IGFL4: variants seen among roughly 807,000 people sequenced by gnomAD.
IGFL4 encodes IGF like family member 4.
Under a neutral mutation model 15.4 loss-of-function variants are expected in IGFL4, and 12 were observed. The observed-to-expected ratio is 0.78, with a 90% CI of 0.50 to 1.26. The LOEUF (loss-of-function observed/expected upper bound fraction) is 1.26. Among genes scored for constraint, IGFL4 ranks in the 50% most tolerant of loss-of-function variants. IGFL4 has a pLI of 0.00. For synonymous variants in IGFL4, 54 were observed against 55.9 expected (o/e 0.97, Z 0.16); for missense variants, 126 against 147.8 (o/e 0.85, Z 0.76).
intron 1 of IGFL4, among the ~76,000 whole-genome samples, chr19:46,070,145 A>T (rs1252857419): frequency 2.0e-5 from 3 of 148,534 alleles, no homozygotes; most frequent in Admixed American, 6.7e-5. Flanking sequence ...AATCTCTAAG[A>T]TTTTTTTTTT....
chr19:46,061,430 T>C (rs2146523270), intron 1 of IGFL4, among the ~76,000 whole-genome samples: 1 of 152,304 alleles, frequency 6.6e-6, no homozygotes, highest in South Asian at 2.1e-4. Flanking sequence ...ACAACACATG[T>C]AAATACACAG....
At position 46,040,716 on chromosome 19, in the gene IGFL4, G is replaced by A; in HGVS notation, c.20-148C>T. The A allele has an allele frequency of 2.0e-6, 2 of 1,010,288 alleles. No individual in the cohort carries two copies. Among genetic ancestry groups the A allele is most frequent in the Non-Finnish European group, 1.5e-6 (1 of 658,100 alleles). 62.6% of individuals were successfully genotyped at this position (1,010,288 alleles called of 1,614,324 possible). A position where few individuals can be genotyped will look rare whatever the true frequency, so the allele number is the denominator to read the frequency against. On this transcript the variant is annotated intron_variant, in intron 1 of 3. Transcript: ENST00000377697. The surrounding 1 kb of genome is among the most constrained non-coding windows in gnomAD (Gnocchi z 4.1). ...GCTGTGGGTGCAGGTCCTGGGGACT[G>A]GGCTTGGCAGGTGAGGAAAGGCAGG...
intron 1 of IGFL4, among the ~76,000 whole-genome samples, chr19:46,061,381 A>T (rs531385697): frequency 6.6e-6 from 1 of 152,332 alleles, no homozygotes; most frequent in African/African-American, 2.4e-5. Context: ...TATTATTTTT[A>T]AACCAATTAA....
chr19:46,054,512 G>A (rs760838742), intron 2 of IGFL4, among the ~76,000 whole-genome samples: 4 of 152,136 alleles, frequency 2.6e-5, no homozygotes, highest in Non-Finnish European at 2.9e-5. Flanking sequence ...CGACAGCTTC[G>A]TAGTATATTT....
intron 1 of IGFL4, among the ~76,000 whole-genome samples, chr19:46,061,763 G>C (rs1301630647): frequency 1.3e-5 from 2 of 152,136 alleles, no homozygotes; most frequent in Non-Finnish European, 2.9e-5. Flanking sequence ...CTTATGTCTG[G>C]GTGGGGGGAA....
upstream of IGFL4, chr19:46,041,206 G>T: frequency 2.1e-6 from 1 of 465,524 alleles, no homozygotes; most frequent in East Asian, 3.5e-5. Flanking sequence ...CAGATCCTCA[G>T]GGTAAAGGCT....
rs1969234669 is a variant in IGFL4 at position 46,040,785 on chromosome 19, G to A, written c.19+159C>T. The A allele has an allele frequency of 1.1e-6, 1 of 946,762 alleles. No homozygotes were observed. Among genetic ancestry groups the A allele is most frequent in the Non-Finnish European group, 1.7e-6 (1 of 604,676 alleles). 58.6% of individuals were successfully genotyped at this position (946,762 alleles called of 1,614,324 possible). ...TAAGCTTCTGGAATTTGCAGTTCAGGAGACAGATTACAATGCAGTCACAGA... is the reference window on the plus strand; with the variant it reads ...TAAGCTTCTGGAATTTGCAGTTCAGAAGACAGATTACAATGCAGTCACAGA... On this transcript the variant is annotated intron_variant, in intron 1 of 3. Coordinates refer to ENST00000377697, the MANE Select transcript of IGFL4 (RefSeq NM_001002923.3). This position sits in a 1 kb window ranked among gnomAD's most constrained non-coding sequence, Gnocchi z 4.1.
At chr19:46,063,373 G>A (rs901788009) in intron 1 of IGFL4, among the ~76,000 whole-genome samples, 4 of 144,178 alleles carry the variant, frequency 2.8e-5, no homozygotes, top group Non-Finnish European at 4.6e-5. Flanking sequence ...ACACATACAC[G>A]ATCCCTCTGT....
intron 1 of IGFL4, among the ~76,000 whole-genome samples, chr19:46,066,286 A>G (rs944136586): frequency 5.9e-5 from 9 of 152,198 alleles, no homozygotes; most frequent in African/African-American, 2.2e-4. Context: ...CCCAAGTGTT[A>G]CCCAAAACAT....
At chr19:46,055,548 G>A (rs1204635609) in intron 2 of IGFL4, among the ~76,000 whole-genome samples, 2 of 151,994 alleles carry the variant, frequency 1.3e-5, no homozygotes, top group Non-Finnish European at 2.9e-5. Flanking sequence ...TTTGAAATGA[G>A]GTCAAAGCTC....
chr19:46,046,188 C>G (rs534514931), intron 2 of IGFL4, among the ~76,000 whole-genome samples: 74 of 152,116 alleles, frequency 4.9e-4, no homozygotes, highest in Non-Finnish European at 8.8e-4. Flanking sequence ...AAATAAGGTC[C>G]TTTTCAGACA....
At chr19:46,054,799 C>T (rs1023112325) in intron 2 of IGFL4, among the ~76,000 whole-genome samples, 3 of 151,988 alleles carry the variant, frequency 2.0e-5, no homozygotes, top group African/African-American at 7.3e-5. Flanking sequence ...AGTGAGTAGC[C>T]TAGAGATAAA....
upstream of IGFL4, among the ~76,000 whole-genome samples, chr19:46,044,743 G>A (rs1969281800): frequency 6.6e-6 from 1 of 152,102 alleles, no homozygotes; most frequent in Non-Finnish European, 1.5e-5. Context: ...GGGACGTTTG[G>A]GTCAACAACT....
At chr19:46,073,526 C>G (rs1456980840) in intron 1 of IGFL4, among the ~76,000 whole-genome samples, 1 of 152,170 alleles carries the variant, frequency 6.6e-6, no homozygotes, top group Non-Finnish European at 1.5e-5. Flanking sequence ...GGTCTAGGCC[C>G]TCTGTGTGAT....
chr19:46,075,057 C>T (rs867132684), intron 1 of IGFL4, among the ~76,000 whole-genome samples: 1 of 142,808 alleles, frequency 7.0e-6, no homozygotes, highest in Non-Finnish European at 1.6e-5. Flanking sequence ...CTTAAACCTA[C>T]CACTTAGAGT....
chr19:46,061,090 C>T (rs944935464), intron 1 of IGFL4, among the ~76,000 whole-genome samples: 8 of 152,156 alleles, frequency 5.3e-5, no homozygotes, highest in Non-Finnish European at 8.8e-5. Context: ...TGTTCATACA[C>T]AGAATTTCTT....
At chr19:46,071,788 A>C (rs538298766) in intron 1 of IGFL4, among the ~76,000 whole-genome samples, 2 of 152,388 alleles carry the variant, frequency 1.3e-5, no homozygotes, top group South Asian at 4.1e-4. Flanking sequence ...TGAGAGGCCA[A>C]GACAGGTGGA....
chr19:46,063,550 C>T (rs16980258), intron 1 of IGFL4, among the ~76,000 whole-genome samples: 80,274 of 152,010 alleles, frequency 0.53, 21,566 homozygotes, highest in Non-Finnish European at 0.55. Context: ...ATTATCCTTT[C>T]AATGTCCATT....
intron 2 of IGFL4, among the ~76,000 whole-genome samples, chr19:46,048,171 A>G (rs1364053211): frequency 6.6e-6 from 1 of 152,234 alleles, no homozygotes; most frequent in Non-Finnish European, 1.5e-5. Flanking sequence ...CAAAACACAC[A>G]TGATTATCTC....
Sources: gnomAD v4.1 joint callset for allele counts (sites outside exome capture counted in the v4.1 genomes callset) on GRCh38, gnomAD v4.1.1 for gene constraint, Gnocchi (gnomAD v3.1) non-coding constraint, MANE v1.5 for transcripts, NCBI Gene and HGNC (gene_info 2026-07-23, HGNC 2026-07-21) for gene names.